The following PHACTR4 variants were observed in gnomAD, a reference collection of about 807,000 sequenced individuals.
The protein encoded by PHACTR4 is protein phosphatase 1, regulatory subunit 124.
Under a neutral mutation model 72.7 loss-of-function variants are expected in PHACTR4, and 51 were observed. That is an observed-to-expected ratio of 0.70 (90% CI 0.56 to 0.89). The LOEUF (loss-of-function observed/expected upper bound fraction) is 0.89, where lower values mean the gene tolerates loss of function less well. PHACTR4 is among the 40% of genes least tolerant of loss of function. The pLI is 0.00. For missense variants in PHACTR4, 731 were observed against 861.8 expected, an observed-to-expected ratio of 0.85 and a Z score of 1.90; for synonymous variants, 255 against 302.5, an observed-to-expected ratio of 0.84 and a Z score of 1.63.
chr1:28,408,815 A>T (rs1238281589), intron 2 of PHACTR4, among the ~76,000 whole-genome samples: 1 of 149,474 alleles, frequency 6.7e-6, no homozygotes, highest in Non-Finnish European at 1.5e-5. Context: ...AGCTGGGACT[A>T]TAGGTGTGCA....
rs1661375602 is a variant in PHACTR4, at chr1:28,496,561, G to A, written c.*12G>A. 1 of 1,613,684 alleles carries A rather than the reference G, an allele frequency of 6.2e-7. No individual in the cohort carries two copies. Among genetic ancestry groups the A allele is most frequent in the African/African-American group, 1.3e-5 (1 of 74,912 alleles). ...ACCATCGTCCATGATGCCAAAGGTT[G>A]AGAGAGGAATCAACATGGCTGCTTT... On this transcript the variant is annotated 3_prime_UTR_variant, in exon 14 of 14. Coordinates refer to ENST00000373839, the MANE Select transcript of PHACTR4 (RefSeq NM_001048183.3).
At chr1:28,463,964 T>C (rs1303632938) in intron 4 of PHACTR4, among the ~76,000 whole-genome samples, 2 of 151,796 alleles carry the variant, frequency 1.3e-5, no homozygotes, top group Non-Finnish European at 2.9e-5. Context: ...ACTCTTGGGC[T>C]CAACGATCCT....
chr1:28,496,458 T>A (rs1661367717), intron 13 of PHACTR4, 76 bp from the exon 14 acceptor site: 3 of 1,521,036 alleles, frequency 2.0e-6, no homozygotes, highest in Admixed American at 1.7e-5. Flanking sequence ...GGTATAACAT[T>A]TCATTACTAC....
At chr1:28,432,172 G>A (rs1656310711) in intron 2 of PHACTR4, among the ~76,000 whole-genome samples, 1 of 152,086 alleles carries the variant, frequency 6.6e-6, no homozygotes, top group Non-Finnish European at 1.5e-5. Flanking sequence ...TCGTGCCACT[G>A]CACTCCAGCC....
At chr1:28,450,456 GAAC>G (rs1657859882) in intron 2 of PHACTR4, among the ~76,000 whole-genome samples, 2 of 152,106 alleles carry the variant, frequency 1.3e-5, no homozygotes, top group African/African-American at 4.8e-5. Context: ...CAGATGCTGA[GAAC>G]AAAGATTTAT....
At chr1:28,392,907 A>G in intron 1 of PHACTR4, among the ~76,000 whole-genome samples, 1 of 152,094 alleles carries the variant, frequency 6.6e-6, no homozygotes, top group South Asian at 2.1e-4. Flanking sequence ...TTGCTGTTGT[A>G]CTCCACATTG....
chr1:28,423,962 A>C lies in PHACTR4; in HGVS notation c.16+16499A>C, dbSNP rs182066098. Among the ~76,000 whole-genome samples, 63 of 152,260 alleles carry C rather than the reference A, an allele frequency of 4.1e-4. 1 individual carries two copies. The highest frequency in any genetic ancestry group is 2.3e-3 in the Admixed American group (35 of 15,278). Reference sequence around the variant, plus strand: ...CTTTTCACACATAACAGAGTAGATAAATTTGAACTTAACTTTATTTTATTT... The same window carrying C: ...CTTTTCACACATAACAGAGTAGATACATTTGAACTTAACTTTATTTTATTT... On this transcript the variant is annotated intron_variant, in intron 2 of 13. Transcript: ENST00000373839.
chr1:28,492,984 A>C, intron 12 of PHACTR4, 31 bp from the exon 13 acceptor site: 3 of 1,562,176 alleles, frequency 1.9e-6, no homozygotes, highest in Non-Finnish European at 2.6e-6. Flanking sequence ...CAGCCAGAAG[A>C]AGCTGAAACA....
chr1:28,492,919 A>T, intron 12 of PHACTR4, 96 bp from the exon 13 acceptor site: 1 of 1,070,002 alleles, frequency 9.3e-7, no homozygotes, highest in Non-Finnish European at 1.4e-6. Context: ...GGTTGCAGTG[A>T]CTTACAAAGT....
chr1:28,379,593 CTT>C (rs575352039), intron 1 of PHACTR4, among the ~76,000 whole-genome samples: 14 of 136,176 alleles, frequency 1.0e-4, no homozygotes, highest in Middle Eastern at 4.1e-3. Flanking sequence ...AATTTCTTTT[CTT>C]TTTTTTTTTT....
chr1:28,474,104 G>T lies in PHACTR4; in HGVS notation c.1374G>T (p.Thr458=), dbSNP rs769429278. The part of the protein sequence containing the change: ...NSDSFSEDSS[T]LGRTRSLPIT... ...ACAGCTTTTCTGAGGACAGCAGTAC[G>T]CTGGGTCGGACCAGGTCTCTTCCCA... Residue 458 remains threonine, a synonymous_variant, in exon 7 of 14, where the codon ACG becomes ACT. Transcript: ENST00000373839. The T allele has an allele frequency of 1.2e-6, 2 of 1,613,980 alleles. No individual in the cohort carries two copies. The highest frequency in any genetic ancestry group is 2.7e-5 in the African/African-American group (2 of 74,930).
At chr1:28,394,824 G>A (rs1205606331) in intron 1 of PHACTR4, among the ~76,000 whole-genome samples, 3 of 151,708 alleles carry the variant, frequency 2.0e-5, no homozygotes, top group African/African-American at 4.8e-5. Flanking sequence ...TCAAACTGCC[G>A]ACCTCAGGTG....
At chr1:28,410,692 A>AT (rs1256700757) in intron 2 of PHACTR4, among the ~76,000 whole-genome samples, 1 of 151,800 alleles carries the variant, frequency 6.6e-6, no homozygotes, top group Non-Finnish European at 1.5e-5. Context: ...TAGTGAGATT[A>AT]TTTTTTTCTT....
At chr1:28,489,057 T>C in intron 9 of PHACTR4, 113 bp from the exon 10 acceptor site, 1 of 662,338 alleles carries the variant, frequency 1.5e-6, no homozygotes, top group Non-Finnish European at 2.5e-6. Flanking sequence ...AGTTTGAAAA[T>C]TTGTTGATTT....
chr1:28,441,781 G>T (rs1316636445), intron 2 of PHACTR4, among the ~76,000 whole-genome samples: 1 of 151,990 alleles, frequency 6.6e-6, no homozygotes, highest in Non-Finnish European at 1.5e-5. Context: ...AATCACTTGA[G>T]TCCAGGAGTT....
Position 28,490,337 on chromosome 1 carries a change from C to T in PHACTR4, c.1817-614C>T, listed in dbSNP as rs577853703. On this transcript the variant is annotated intron_variant, in intron 10 of 13. Transcript: ENST00000373839. ...ACAAGGTCAGGAGATCGAGACCATC[C>T]TGGCTAACATGGTGAAACCCCGTCT... 4.0e-5 allele frequency among the ~76,000 whole-genome samples: 6 copies of T among 151,862 alleles called. No individual in the cohort carries two copies. The East Asian group carries it at 9.7e-4, about 25-fold the overall frequency.
At chr1:28,402,669 ATC>A (rs1255662275) in intron 1 of PHACTR4, among the ~76,000 whole-genome samples, 6 of 152,184 alleles carry the variant, frequency 3.9e-5, no homozygotes, top group Non-Finnish European at 8.8e-5. Flanking sequence ...TTTGAGCATC[ATC>A]TGTTTATGGG....
In PHACTR4 at chr1:28,424,656, T is replaced by C. The variant is rs530441258; in HGVS notation, c.16+17193T>C. On this transcript the variant is annotated intron_variant, in intron 2 of 13. Coordinates refer to ENST00000373839, the MANE Select transcript of PHACTR4 (RefSeq NM_001048183.3). ...GGCACGTGCCACCACACTTGGCTTATTTTTTCTATTTTTAGTAGAGATGGG... is the reference window on the plus strand; with the variant it reads ...GGCACGTGCCACCACACTTGGCTTACTTTTTCTATTTTTAGTAGAGATGGG... 1.4e-4 allele frequency among the ~76,000 whole-genome samples: 21 copies of C among 151,418 alleles called. No homozygotes were observed. The South Asian group carries it at 4.2e-3, about 30-fold the overall frequency.
rs750891249 is a variant in PHACTR4 at position 28,376,515 on chromosome 1, G to GA, written c.-39+6691dup. ...TTTTTTTTTTTTTTCTTTTAGTAGA[G>GA]ACAAGGTCTCATTATGTTGCCCAGA... On this transcript the variant is annotated intron_variant, in intron 1 of 13. Transcript: ENST00000373839. 3.3e-5 allele frequency among the ~76,000 whole-genome samples: 5 copies of GA among 150,222 alleles called. No individual in the cohort carries two copies. The East Asian group carries it at 8.0e-4, about 24-fold the overall frequency.
Sources: allele counts gnomAD v4.1 joint callset (sites outside exome capture counted in the v4.1 genomes callset), GRCh38; gene constraint gnomAD v4.1.1; transcripts MANE v1.5; gene names NCBI Gene and HGNC (gene_info 2026-07-23, HGNC 2026-07-21).